The following ATL2 variants were observed in gnomAD, a reference collection of about 807,000 sequenced individuals.
ATL2 encodes atlastin-2.
A neutral mutation model predicts 73.9 loss-of-function variants in ATL2; 31 were observed. The ratio of observed to expected loss-of-function variants is 0.42; its 90% CI spans 0.32 to 0.57. The LOEUF is 0.57. Among genes scored for constraint, ATL2 ranks in the 20% least tolerant of loss-of-function variants. The pLI, the probability that ATL2 is intolerant of heterozygous loss-of-function variation, is 0.14. For missense variants in ATL2, 738 were observed against 702.6 expected (o/e 1.05, Z -0.57); for synonymous variants, 291 against 237.5 (o/e 1.23, Z -2.07).
intron 2 of ATL2, among the ~76,000 whole-genome samples, chr2:38,319,776 G>T (rs6544157): frequency 6.6e-6 from 1 of 152,188 alleles, no homozygotes; most frequent in East Asian, 1.9e-4. Flanking sequence ...ATAGCTTACA[G>T]TAAGTTTTCA....
chr2:38,366,640 G>T (rs563545801), intron 1 of ATL2, among the ~76,000 whole-genome samples: 1 of 152,038 alleles, frequency 6.6e-6, no homozygotes, highest in Non-Finnish European at 1.5e-5. Flanking sequence ...TCTAGCACAC[G>T]GCAATTTCTA....
intron 2 of ATL2, among the ~76,000 whole-genome samples, chr2:38,334,694 G>A (rs542019521): frequency 2.0e-5 from 3 of 150,678 alleles, no homozygotes; most frequent in South Asian, 2.1e-4. Context: ...ACGAAACTCC[G>A]TCTCAAACAA....
At chr2:38,312,365 A>G (rs1286348741) in intron 7 of ATL2, among the ~76,000 whole-genome samples, 1 of 151,344 alleles carries the variant, frequency 6.6e-6, no homozygotes, top group Non-Finnish European at 1.5e-5. Flanking sequence ...TGGTTGTTAA[A>G]AAGTATGTGG....
At chr2:38,317,214 T>G (rs1022514748) in intron 4 of ATL2, among the ~76,000 whole-genome samples, 2 of 152,070 alleles carry the variant, frequency 1.3e-5, no homozygotes, top group African/African-American at 4.8e-5. Context: ...TAAGAACAAT[T>G]TCTTATCTTG....
At position 38,295,148 on chromosome 2, in the gene ATL2, T is replaced by C. The variant is rs1666827383; in HGVS notation, c.*846A>G. The C allele has an allele frequency of 6.6e-6, 1 of 152,210 alleles. No individual in the cohort carries two copies. Among genetic ancestry groups the C allele is most frequent in the African/African-American group, 2.4e-5 (1 of 41,446 alleles). 9.4% of individuals were successfully genotyped at this position (152,210 alleles called of 1,614,324 possible). On this transcript the variant is annotated 3_prime_UTR_variant, in exon 13 of 13. Transcript: ENST00000378954. ...TTATTTAGCCTACCACAGGACCAGATTTTGCCATAAACTACAAAACTTTTA... is the reference window on the plus strand; with the variant it reads ...TTATTTAGCCTACCACAGGACCAGACTTTGCCATAAACTACAAAACTTTTA...
chr2:38,365,236 C>G lies in ATL2; in HGVS notation c.118+11907G>C, dbSNP rs28673227. 5.4e-3 allele frequency among the ~76,000 whole-genome samples: 826 copies of G among 151,852 alleles called. 4 individuals are homozygous for G. The highest frequency in any genetic ancestry group is 7.9e-3 in the Non-Finnish European group (537 of 67,986). ...AGAATATTTAAATTTAGAATAGACA[C>G]TTAGATCGAATAGGGCTACTATGAC... On this transcript the variant is annotated intron_variant, in intron 1 of 12. Transcript: ENST00000378954.
chr2:38,364,360 GAGA>G (rs1183986822), intron 1 of ATL2, among the ~76,000 whole-genome samples: 1 of 152,230 alleles, frequency 6.6e-6, no homozygotes. Flanking sequence ...GCAGAGGAGA[GAGA>G]GTCAAAGCTG....
chr2:38,330,162 A>G lies in ATL2; in HGVS notation c.364-11143T>C, dbSNP rs182782793. ...AGAAAGAAAAAAAAAACACATGATA[A>G]TATCAATAAATACAGGAAAACTATT... is the stretch of plus-strand genomic sequence containing the variant. On this transcript the variant is annotated intron_variant, in intron 2 of 12. Transcript: ENST00000378954. Among the ~76,000 whole-genome samples the G allele has an allele frequency of 1.4e-3, 209 of 151,812 alleles. 1 individual carries two copies. Among genetic ancestry groups the G allele is most frequent in the Admixed American group, 2.2e-3 (34 of 15,248 alleles).
At chr2:38,315,256 A>C (rs779071084) in intron 5 of ATL2, 28 bp downstream of exon 5, 1 of 1,466,758 alleles carries the variant, frequency 6.8e-7, no homozygotes, top group East Asian at 2.8e-5. Flanking sequence ...CATCTCAAAA[A>C]ATAAAAATTA....
At chr2:38,298,810 T>C (rs1242515894) in intron 11 of ATL2, among the ~76,000 whole-genome samples, 3 of 152,232 alleles carry the variant, frequency 2.0e-5, no homozygotes, top group Non-Finnish European at 4.4e-5. Flanking sequence ...AAAAAAATTT[T>C]ACACTGTGCT....
At chr2:38,371,087 A>C (rs1671663613) in intron 1 of ATL2, among the ~76,000 whole-genome samples, 1 of 152,202 alleles carries the variant, frequency 6.6e-6, no homozygotes, top group Admixed American at 6.5e-5. Context: ...TCATTCACTG[A>C]AATTTTTAAA....
chr2:38,325,506 C>T (rs1280847391), intron 2 of ATL2, among the ~76,000 whole-genome samples: 1 of 151,894 alleles, frequency 6.6e-6, no homozygotes, highest in Non-Finnish European at 1.5e-5. Flanking sequence ...CAAAGAACTC[C>T]ACAAAATTCT....
In ATL2 at chr2:38,343,461, T is replaced by A; in HGVS notation, c.170A>T (p.Lys57Ile). The A allele has an allele frequency of 1.2e-6, 2 of 1,611,464 alleles. No individual in the cohort carries two copies. The highest frequency in any genetic ancestry group is 1.7e-6 in the Non-Finnish European group (2 of 1,178,310). The change falls in exon 2 of 13, where the codon AAA becomes ATA. Residue 57 changes from lysine (K) to isoleucine (I), a missense_variant. Lys to Ile is a moderately radical substitution (Grantham distance 102). Transcript: ENST00000378954. Reference sequence around the variant, plus strand: ...AAGAACAATCTGTACTGGACATGGTTTCTTCATAACCTCATCAGAATTTAC... The same window carrying A: ...AAGAACAATCTGTACTGGACATGGTATCTTCATAACCTCATCAGAATTTAC... ...DLVNSDEVMKKPCPVQIVLAH... is the reference protein window; with the variant it reads ...DLVNSDEVMKIPCPVQIVLAH...
At chr2:38,374,962 G>A (rs1426685842) in intron 1 of ATL2, among the ~76,000 whole-genome samples, 1 of 152,156 alleles carries the variant, frequency 6.6e-6, no homozygotes, top group African/African-American at 2.4e-5. Context: ...TATCTTTACT[G>A]TAAGGCAGCT....
intron 1 of ATL2, among the ~76,000 whole-genome samples, chr2:38,356,268 G>T (rs1400663997): frequency 6.6e-6 from 1 of 151,662 alleles, no homozygotes; most frequent in Admixed American, 6.6e-5. Flanking sequence ...GACCAGGCTG[G>T]AGTGCAATGG....
At chr2:38,316,448 T>C (rs1668028984) in intron 4 of ATL2, among the ~76,000 whole-genome samples, 1 of 152,178 alleles carries the variant, frequency 6.6e-6, no homozygotes, top group Non-Finnish European at 1.5e-5. Context: ...GTACTTAGCA[T>C]ACTGTCTTGT....
chr2:38,301,915 G>A (rs1348719616), intron 9 of ATL2, among the ~76,000 whole-genome samples: 1 of 152,192 alleles, frequency 6.6e-6, no homozygotes, highest in African/African-American at 2.4e-5. Context: ...TCACAGCTCT[G>A]AGAGAGAGTC....
Position 38,295,841 on chromosome 2 carries a change from C to A in ATL2, c.*153G>T, listed in dbSNP as rs997263802. ...TAAAAGAATGCTTAAAACTAACAAA[C>A]AATCTTCACACTCTGTGGCAGCCAT... On this transcript the variant is annotated 3_prime_UTR_variant, in exon 13 of 13. Transcript: ENST00000378954. 2.6e-5 allele frequency: 16 copies of A among 613,144 alleles called. No homozygotes were observed. The highest frequency in any genetic ancestry group is 4.4e-5 in the Non-Finnish European group (16 of 366,870). The allele number at this position is 613,144 out of a possible 1,614,324, so 38.0% of individuals were successfully genotyped here. A position where few individuals can be genotyped will look rare whatever the true frequency, so the allele number is the denominator to read the frequency against.
chr2:38,318,757 T>C (rs550028678), intron 3 of ATL2, 118 bp from the exon 4 acceptor site: 20 of 1,325,000 alleles, frequency 1.5e-5, no homozygotes, highest in Non-Finnish European at 1.9e-5. Flanking sequence ...TTATATCTCA[T>C]ACATTTGACA....
Sources: allele counts gnomAD v4.1 joint callset (sites outside exome capture counted in the v4.1 genomes callset), GRCh38; gene constraint gnomAD v4.1.1; transcripts MANE v1.5; gene names NCBI Gene and HGNC (gene_info 2026-07-23, HGNC 2026-07-21).